The following MSI2 variants were observed in gnomAD, a reference collection of about 807,000 sequenced individuals.
MSI2 encodes RNA-binding protein Musashi homolog 2.
MSI2 carries 17 observed loss-of-function variants against 45.6 expected under a neutral mutation model. The ratio of observed to expected loss-of-function variants is 0.37; its 90% CI spans 0.26 to 0.56. MSI2 has a LOEUF of 0.56. Ranked by LOEUF, MSI2 falls within the 20% of genes least tolerant of loss-of-function variation. MSI2 has a pLI of 0.77. For missense variants in MSI2, 293 were observed against 444.2 expected (o/e 0.66, Z 3.06); for synonymous variants, 156 against 158.2 (o/e 0.99, Z 0.11).
chr17:57,323,190 A>G (rs944121189), intron 5 of MSI2, among the ~76,000 whole-genome samples: 1 of 152,180 alleles, frequency 6.6e-6, no homozygotes, highest in African/African-American at 2.4e-5. Context: ...CCCCCAAGGC[A>G]TTACCCCCTT....
chr17:57,647,274 CA>C (rs33915774), intron 10 of MSI2, among the ~76,000 whole-genome samples: 4,808 of 37,654 alleles, frequency 0.13, 90 homozygotes, highest in African/African-American at 0.15. Context: ...ACTAAAAATA[CA>C]AAAAAAAAAA....
At chr17:57,490,314 G>A (rs2085845100) in intron 6 of MSI2, among the ~76,000 whole-genome samples, 2 of 152,190 alleles carry the variant, frequency 1.3e-5, no homozygotes, top group Admixed American at 6.5e-5. Flanking sequence ...AATATGTTTA[G>A]ATCTATTGCT....
At chr17:57,672,952 G>A (rs373110099) in intron 11 of MSI2, among the ~76,000 whole-genome samples, 19 of 152,290 alleles carry the variant, frequency 1.2e-4, no homozygotes, top group East Asian at 9.7e-4. Context: ...CAGATCAGCC[G>A]TTCACTTGCT....
chr17:57,646,624 A>C (rs1489145138), intron 10 of MSI2, among the ~76,000 whole-genome samples: 1 of 152,210 alleles, frequency 6.6e-6, no homozygotes, highest in Admixed American at 6.5e-5. Context: ...ACAGCAAAGC[A>C]GGGACAGCCA....
At chr17:57,292,579 G>T (rs931028937) in intron 5 of MSI2, among the ~76,000 whole-genome samples, 1 of 125,868 alleles carries the variant, frequency 7.9e-6, no homozygotes, top group African/African-American at 2.5e-5. Context: ...GGAGGTTGGT[G>T]GGGGGTCCCT....
intron 13 of MSI2, 73 bp downstream of exon 13, chr17:57,677,132 C>G: frequency 1.0e-6 from 1 of 998,704 alleles, no homozygotes; most frequent in Non-Finnish European, 1.6e-6. Context: ...GTCATACATG[C>G]ACGTGCGTGC....
rs1169996278 is a variant in MSI2 at position 57,577,153 on chromosome 17, G to A, written c.455-19715G>A. Reference sequence around the variant, plus strand: ...GTTAGATCTTGAAGGACTACCCCTGGGAGGGGGGCCAGGCTGCTTCCCCAA... The same window carrying A: ...GTTAGATCTTGAAGGACTACCCCTGAGAGGGGGGCCAGGCTGCTTCCCCAA... On this transcript the variant is annotated intron_variant, in intron 7 of 13. Coordinates refer to ENST00000284073, the MANE Select transcript of MSI2 (RefSeq NM_138962.4). 3.3e-5 allele frequency among the ~76,000 whole-genome samples: 5 copies of A among 152,224 alleles called. No homozygotes were observed. In the East Asian group the frequency reaches 5.8e-4, roughly 18 times the overall value.
chr17:57,642,312 CT>C (rs1208191310), intron 10 of MSI2, among the ~76,000 whole-genome samples: 2 of 152,166 alleles, frequency 1.3e-5, no homozygotes, highest in Non-Finnish European at 2.9e-5. Context: ...GCCACTTGAT[CT>C]TGGAGAAAAG....
At chr17:57,380,741 A>G (rs1437208987) in intron 5 of MSI2, among the ~76,000 whole-genome samples, 7 of 152,176 alleles carry the variant, frequency 4.6e-5, no homozygotes, top group Admixed American at 2.6e-4. Flanking sequence ...GAATTTGGAC[A>G]TCTGTTACTC....
chr17:57,470,002 C>G (rs1423010803), intron 6 of MSI2, among the ~76,000 whole-genome samples: 1 of 152,176 alleles, frequency 6.6e-6, no homozygotes, highest in Non-Finnish European at 1.5e-5. Context: ...CCCACCTCTC[C>G]CCTTTCTCTG....
intron 6 of MSI2, among the ~76,000 whole-genome samples, chr17:57,443,364 C>G (rs2084836429): frequency 6.6e-6 from 1 of 152,186 alleles, no homozygotes; most frequent in African/African-American, 2.4e-5. Flanking sequence ...TTGGTGCTGA[C>G]TAATAGGACT....
chr17:57,386,904 A>G (rs1233839508), intron 5 of MSI2, among the ~76,000 whole-genome samples: 1 of 152,226 alleles, frequency 6.6e-6, no homozygotes, highest in Non-Finnish European at 1.5e-5. Flanking sequence ...GAGGGAAGGG[A>G]ACCAGATTTT....
chr17:57,596,756 C>G lies in MSI2; in HGVS notation c.455-112C>G. The G allele has an allele frequency of 1.4e-6, 1 of 722,390 alleles. No homozygotes were observed. Among genetic ancestry groups the G allele is most frequent in the Admixed American group, 2.0e-5 (1 of 49,300 alleles). 44.7% of individuals were successfully genotyped at this position (722,390 alleles called of 1,614,324 possible). A position where few individuals can be genotyped will look rare whatever the true frequency, so the allele number is the denominator to read the frequency against. On this transcript the variant is annotated intron_variant, in intron 7 of 13. Coordinates refer to ENST00000284073, the MANE Select transcript of MSI2 (RefSeq NM_138962.4). The surrounding 1 kb of genome is among the most constrained non-coding windows in gnomAD (Gnocchi z 4.6). ...TCCTCCCAAGGATCCGCCTACCTAC[C>G]CCCAGACCAGGAGGCTGTCAAGACC... is the stretch of plus-strand genomic sequence containing the variant.
At position 57,446,040 on chromosome 17, in the gene MSI2, G is replaced by A. The variant is rs1471353052; in HGVS notation, c.405+44569G>A. Among the ~76,000 whole-genome samples the A allele has an allele frequency of 2.0e-5, 3 of 152,128 alleles. No individual in the cohort carries two copies. The East Asian group carries it at 5.8e-4, about 29-fold the overall frequency. On this transcript the variant is annotated intron_variant, in intron 6 of 13. Transcript: ENST00000284073. ...TCTCATGAAGTTTGTAATCTAATGGGGAGTCAGACTGGAAATGAGAAGACA... is the reference window on the plus strand; with the variant it reads ...TCTCATGAAGTTTGTAATCTAATGGAGAGTCAGACTGGAAATGAGAAGACA...
At chr17:57,308,943 C>T (rs149196708) in intron 5 of MSI2, among the ~76,000 whole-genome samples, 3 of 152,242 alleles carry the variant, frequency 2.0e-5, no homozygotes, top group Non-Finnish European at 2.9e-5. Flanking sequence ...AAACTGAGTT[C>T]AGTTACTCGT....
At chr17:57,465,432 C>T (rs906947717) in intron 6 of MSI2, among the ~76,000 whole-genome samples, 4 of 152,174 alleles carry the variant, frequency 2.6e-5, no homozygotes, top group Non-Finnish European at 5.9e-5. Flanking sequence ...TGAGGTAGAT[C>T]CCTGCCTGGG....
intron 5 of MSI2, chr17:57,285,760 A>G (rs979902931): frequency 6.0e-6 from 7 of 1,172,686 alleles, no homozygotes; most frequent in South Asian, 2.0e-5. Context: ...ATGGAACTCT[A>G]TTTTCTTAGC....
chr17:57,488,998 C>T (rs191837383), intron 6 of MSI2, among the ~76,000 whole-genome samples: 12 of 152,194 alleles, frequency 7.9e-5, no homozygotes, highest in African/African-American at 1.4e-4. Context: ...GGCAGTGTCC[C>T]GAGGCCTTCA....
intron 5 of MSI2, among the ~76,000 whole-genome samples, chr17:57,325,007 A>G (rs1913670652): frequency 6.6e-6 from 1 of 152,252 alleles, no homozygotes; most frequent in Non-Finnish European, 1.5e-5. Flanking sequence ...TTGGTACATC[A>G]GAAAGTGGTA....
Sources: allele counts gnomAD v4.1 joint callset (sites outside exome capture counted in the v4.1 genomes callset), GRCh38; gene constraint gnomAD v4.1.1; non-coding constraint Gnocchi (gnomAD v3.1); transcripts MANE v1.5; gene names NCBI Gene and HGNC (gene_info 2026-07-23, HGNC 2026-07-21).